The following TEX9 variants were observed in gnomAD, a reference collection of about 807,000 sequenced individuals.
The protein encoded by TEX9 is testis expressed 9.
In TEX9, 74 loss-of-function variants were observed where a neutral mutation model predicts 59.6. That is an observed-to-expected ratio of 1.24 (90% CI 1.03 to 1.51). TEX9 has a LOEUF of 1.51. Ranked by LOEUF, TEX9 falls within the 40% of genes most tolerant of loss-of-function variation. The pLI, the probability that TEX9 is intolerant of heterozygous loss-of-function variation, is 0.00. For synonymous variants in TEX9, 186 were observed against 152.2 expected, an observed-to-expected ratio of 1.22 and a Z score of -1.64; for missense variants, 522 against 447.8, an observed-to-expected ratio of 1.17 and a Z score of -1.49.
chr15:56,438,270 A>G (rs1255736708), intron 12 of TEX9, among the ~76,000 whole-genome samples: 1 of 152,210 alleles, frequency 6.6e-6, no homozygotes, highest in African/African-American at 2.4e-5. Context: ...AAACAGAGAT[A>G]TAGACCAATG....
upstream of TEX9, among the ~76,000 whole-genome samples, chr15:56,364,614 T>A (rs1487510153): frequency 6.6e-6 from 1 of 152,198 alleles, no homozygotes; most frequent in Non-Finnish European, 1.5e-5. Context: ...AGGTCTTTGA[T>A]ACATTTTAAT....
chr15:56,407,849 C>T (rs1205374219), intron 9 of TEX9, among the ~76,000 whole-genome samples: 1 of 152,078 alleles, frequency 6.6e-6, no homozygotes, highest in Non-Finnish European at 1.5e-5. Flanking sequence ...AATTTACAAC[C>T]TCGCTGCCTC....
intron 1 of TEX9, among the ~76,000 whole-genome samples, chr15:56,342,886 A>G (rs2046400186): frequency 1.3e-5 from 2 of 152,142 alleles, no homozygotes; most frequent in South Asian, 2.1e-4. Flanking sequence ...CCTAAGTCCA[A>G]ACATTGTTAG....
At chr15:56,460,009 A>ATATATATATATATATATATATATATAT in the TEX9 span, among the ~76,000 whole-genome samples, 1 of 26,386 alleles carries the variant, frequency 3.8e-5, no homozygotes, top group Non-Finnish European at 7.0e-5. Context: ...AAAAAAAAAA[A>ATATATATATATATATATATATATATAT]ATACATATAT....
intron 1 of TEX9, among the ~76,000 whole-genome samples, chr15:56,317,057 C>T (rs1031248638): frequency 1.1e-4 from 17 of 152,124 alleles, no homozygotes; most frequent in African/African-American, 4.1e-4. Context: ...GTCTGGCACT[C>T]CCTAGTGAGA....
chr15:56,380,818 G>C (rs2047691818), intron 3 of TEX9, among the ~76,000 whole-genome samples: 1 of 152,034 alleles, frequency 6.6e-6, no homozygotes, highest in Non-Finnish European at 1.5e-5. Flanking sequence ...TATGTTGTTT[G>C]TTTCTTTTCT....
At chr15:56,459,036 C>T in the TEX9 span, among the ~76,000 whole-genome samples, 50 of 152,120 alleles carry the variant, frequency 3.3e-4, no homozygotes, top group Non-Finnish European at 2.9e-4. Flanking sequence ...TTGTGTGTGG[C>T]ATAAAATGTC....
intron 1 of TEX9, among the ~76,000 whole-genome samples, chr15:56,319,187 G>T (rs965347486): frequency 4.6e-5 from 7 of 151,776 alleles, no homozygotes; most frequent in African/African-American, 1.7e-4. Context: ...CATAAGGCAG[G>T]ACCAACCCCT....
chr15:56,310,476 T>A (rs2045585211), intron 1 of TEX9, among the ~76,000 whole-genome samples: 1 of 152,186 alleles, frequency 6.6e-6, no homozygotes, highest in African/African-American at 2.4e-5. Context: ...CTAGTGTTTG[T>A]TCACATCTTT....
chr15:56,456,797 T>G, the TEX9 span, among the ~76,000 whole-genome samples: 1 of 152,158 alleles, frequency 6.6e-6, no homozygotes, highest in Admixed American at 6.6e-5. Flanking sequence ...GCTAATCTTT[T>G]TTCTCTACCT....
chr15:56,369,924 A>C (rs34692712), intron 2 of TEX9, among the ~76,000 whole-genome samples: 2,138 of 152,096 alleles, frequency 0.014, 32 homozygotes, highest in Admixed American at 0.024. Flanking sequence ...TTGTTTGGGA[A>C]TATCTTGTTT....
intron 12 of TEX9, among the ~76,000 whole-genome samples, chr15:56,438,642 A>G (rs2050768599): frequency 6.6e-6 from 1 of 152,216 alleles, no homozygotes; most frequent in South Asian, 2.1e-4. Context: ...AAATTGACAA[A>G]TGGGATCTAA....
intron 1 of TEX9, among the ~76,000 whole-genome samples, chr15:56,359,114 C>T (rs2141911434): frequency 6.6e-6 from 1 of 152,232 alleles, no homozygotes; most frequent in East Asian, 1.9e-4. Context: ...GACAGTTTCA[C>T]AGCCTTGTTT....
intron 1 of TEX9, among the ~76,000 whole-genome samples, chr15:56,352,531 G>C (rs192145402): frequency 1.0e-3 from 157 of 152,212 alleles, no homozygotes; most frequent in Middle Eastern, 6.8e-3. Flanking sequence ...GGGATTACAG[G>C]AGTGAGCCAT....
At chr15:56,292,104 A>G (rs1384971909) in intron 1 of TEX9, among the ~76,000 whole-genome samples, 8 of 152,206 alleles carry the variant, frequency 5.3e-5, no homozygotes, top group African/African-American at 7.2e-5. Flanking sequence ...ATATGGTGCT[A>G]TGTTCCCCAT....
downstream of TEX9, chr15:56,446,721 A>G: frequency 1.4e-6 from 1 of 699,398 alleles, no homozygotes. Flanking sequence ...GAAAATTTAC[A>G]AATATTTAAG....
intron 1 of TEX9, among the ~76,000 whole-genome samples, chr15:56,351,272 C>T (rs2046573892): frequency 6.6e-6 from 1 of 151,940 alleles, no homozygotes; most frequent in South Asian, 2.1e-4. Context: ...TAGGAAAGGA[C>T]AAAGACCTAC....
rs1164055661 is a variant in TEX9 at position 56,405,357 on chromosome 15, T to C, written c.829-6945T>C. On this transcript the variant is annotated intron_variant, in intron 9 of 12. Transcript: ENST00000352903. ...AACTGAGTTTGTTGGTTAAGCAAAT[T>C]ACCCAAGGTTATATATAGGTAGTGG... 2.0e-5 allele frequency among the ~76,000 whole-genome samples: 3 copies of C among 151,518 alleles called. No homozygotes were observed. In the East Asian group the frequency reaches 5.8e-4, roughly 29 times the overall value.
At chr15:56,437,656 G>C (rs1160789034) in intron 12 of TEX9, among the ~76,000 whole-genome samples, 1 of 152,114 alleles carries the variant, frequency 6.6e-6, no homozygotes, top group Non-Finnish European at 1.5e-5. Context: ...TATTCAATTA[G>C]GAAAAGAGGA....
Sources: allele counts gnomAD v4.1 joint callset (sites outside exome capture counted in the v4.1 genomes callset), GRCh38; gene constraint gnomAD v4.1.1; transcripts MANE v1.5; gene names NCBI Gene and HGNC (gene_info 2026-07-23, HGNC 2026-07-21).